Variants in VIPR2 observed in about 807,000 individuals in gnomAD.
VIPR2 encodes vasoactive intestinal peptide receptor 2.
A neutral mutation model predicts 58.0 loss-of-function variants in VIPR2; 48 were observed. The observed-to-expected ratio is 0.83, with a 90% CI of 0.66 to 1.05. The LOEUF (loss-of-function observed/expected upper bound fraction) is 1.05, where lower values mean the gene tolerates loss of function less well. VIPR2 is among the 50% of genes least tolerant of loss of function. VIPR2 has a pLI of 0.00. For missense variants in VIPR2, 534 were observed against 558.0 expected, an observed-to-expected ratio of 0.96 and a Z score of 0.43; for synonymous variants, 243 against 235.2, an observed-to-expected ratio of 1.03 and a Z score of -0.30.
At chr7:159,048,250 T>C (rs547894138) in intron 5 of VIPR2, among the ~76,000 whole-genome samples, 8 of 152,362 alleles carry the variant, frequency 5.3e-5, no homozygotes, top group African/African-American at 1.9e-4. Context: ...AAGGGTAAGC[T>C]TATTTAACTT....
At chr7:159,135,835 TAA>T (rs1252615382) in intron 2 of VIPR2, among the ~76,000 whole-genome samples, 2 of 151,990 alleles carry the variant, frequency 1.3e-5, no homozygotes, top group African/African-American at 4.8e-5. Context: ...AAAAAATAAA[TAA>T]ATGAGAGGAT....
Position 159,114,749 on chromosome 7 carries a change from C to T in VIPR2, c.152-4830G>A, listed in dbSNP as rs940906209. ...TGAGCCCAGGAGCTTGAGTCAAGCC[C>T]GGGTGACTGAGTGAGGCCCTGTCTC... On this transcript the variant is annotated intron_variant, in intron 2 of 12. Coordinates refer to ENST00000262178, the MANE Select transcript of VIPR2 (RefSeq NM_003382.5). Among the ~76,000 whole-genome samples the T allele has an allele frequency of 2.9e-5, 4 of 139,890 alleles. No homozygotes were observed. The South Asian group carries it at 9.8e-4, about 34-fold the overall frequency. 91.8% of individuals were successfully genotyped at this position (139,890 alleles called of 152,430 possible).
intron 3 of VIPR2, among the ~76,000 whole-genome samples, chr7:159,106,580 A>T (rs1858672927): frequency 9.6e-6 from 1 of 104,446 alleles, no homozygotes. Flanking sequence ...GAGGCCAGGG[A>T]GGGGCACAGA....
chr7:159,034,555 T>C (rs762063586), intron 9 of VIPR2, 26 bp downstream of exon 9: 2 of 1,603,342 alleles, frequency 1.2e-6, no homozygotes. Context: ...CCACAGATAA[T>C]CCACATGTCA....
intron 4 of VIPR2, among the ~76,000 whole-genome samples, chr7:159,101,404 A>G (rs1221032572): frequency 8.1e-6 from 1 of 124,108 alleles, no homozygotes; most frequent in Admixed American, 8.6e-5. Context: ...TTCCTGTGGT[A>G]GTGAACGGGT....
intron 4 of VIPR2, among the ~76,000 whole-genome samples, chr7:159,069,022 C>T (rs1035447865): frequency 4.6e-5 from 7 of 152,160 alleles, no homozygotes; most frequent in Admixed American, 2.0e-4. Context: ...TGCAGTACTA[C>T]GGCCTTAGGC....
chr7:159,137,104 G>A (rs879665198), intron 2 of VIPR2, among the ~76,000 whole-genome samples: 3 of 152,158 alleles, frequency 2.0e-5, no homozygotes, highest in Non-Finnish European at 4.4e-5. Context: ...GGAGGAAGCT[G>A]ACTCTGACCC....
intron 2 of VIPR2, among the ~76,000 whole-genome samples, chr7:159,132,789 C>CCGATTGATTTT (rs1563354994): frequency 1.6e-4 from 22 of 141,180 alleles, no homozygotes; most frequent in East Asian, 7.9e-4. Context: ...GATTGGCATA[C>CCGATTGATTTT]AGACTGATTT....
rs780424691 is a variant in VIPR2 at position 159,103,742 on chromosome 7, C to T, written c.357+15G>A. On this transcript the variant is annotated intron_variant, in intron 4 of 12. Transcript: ENST00000262178. Reference sequence around the variant, plus strand: ...AAGTGGAACCTCACCACCGTAGCACCACGCAGGAGCCTACCTTGCTCTCAT... The same window carrying T: ...AAGTGGAACCTCACCACCGTAGCACTACGCAGGAGCCTACCTTGCTCTCAT... 4 of 1,609,742 alleles carry T rather than the reference C, an allele frequency of 2.5e-6. No homozygotes were observed. In the East Asian group the frequency reaches 8.9e-5, roughly 36 times the overall value.
At chr7:159,088,005 G>C (rs1192796656) in intron 4 of VIPR2, among the ~76,000 whole-genome samples, 1 of 152,234 alleles carries the variant, frequency 6.6e-6, no homozygotes, top group Non-Finnish European at 1.5e-5. Context: ...CCATAATCCA[G>C]GCTGCAGGAA....
intron 4 of VIPR2, among the ~76,000 whole-genome samples, chr7:159,059,852 T>A (rs955511860): frequency 7.2e-6 from 1 of 138,398 alleles, no homozygotes; most frequent in Admixed American, 7.3e-5. Context: ...TAACCACAAG[T>A]CTCATCTAAC....
intron 5 of VIPR2, among the ~76,000 whole-genome samples, chr7:159,055,794 T>C (rs901071606): frequency 6.6e-6 from 1 of 152,228 alleles, no homozygotes; most frequent in African/African-American, 2.4e-5. Flanking sequence ...TAGCAAGCCA[T>C]CCAAATACAT....
Position 159,036,833 on chromosome 7 carries a change from C to T in VIPR2, c.667G>A (p.Glu223Lys). 1 of 1,613,990 alleles carries T rather than the reference C, an allele frequency of 6.2e-7. No individual in the cohort carries two copies. Among genetic ancestry groups the T allele is most frequent in the South Asian group, 1.1e-5 (1 of 91,076 alleles). The part of the protein sequence containing the change: ...IMANFFWLLV[E>K]GLYLHTLLVA... ...AGGAGGGTGTGGAGGTAGAGCCCCT[C>T]CACCAGCAGCCAGAAGAAGTTGGCC... The change falls in exon 7 of 13, where the codon GAG becomes AAG. Residue 223 changes from glutamate (E) to lysine (K), a missense_variant. Physicochemically the swap from Glu to Lys is moderately conservative, Grantham distance 56. Transcript: ENST00000262178.
At position 159,031,946 on chromosome 7, in the gene VIPR2, AC is replaced by A. The variant is rs1853615968; in HGVS notation, c.1092del (p.Ser365ArgfsTer14). 1.9e-6 allele frequency: 3 copies of A among 1,614,100 alleles called. No homozygotes were observed. Among genetic ancestry groups the A allele is most frequent in the Non-Finnish European group, 2.5e-6 (3 of 1,180,008 alleles). ...CGCCTCCGCACACCTACCTGGAACGACCCGAGGCACAGCTCAAACAGTATCT... is the reference window on the plus strand; with the variant it reads ...CGCCTCCGCACACCTACCTGGAACGACCGAGGCACAGCTCAAACAGTATCT... ...KYQILFELCL[G>X]SFQGLVVAVL... On this transcript the variant is annotated frameshift_variant, in exon 11 of 13. Transcript: ENST00000262178. LOFTEE classifies it low-confidence loss of function (END_TRUNC). This position sits in a 1 kb window ranked among gnomAD's most constrained non-coding sequence, Gnocchi z 4.0.
In VIPR2 at chr7:159,121,973, T is replaced by C. The variant is rs192165288; in HGVS notation, c.152-12054A>G. On this transcript the variant is annotated intron_variant, in intron 2 of 12. Coordinates refer to ENST00000262178, the MANE Select transcript of VIPR2 (RefSeq NM_003382.5). ...TTCAAAGACAACTGATTGGTACGAA[T>C]CATTGACAGATACAAAAGCCAAGAC... Among the ~76,000 whole-genome samples the C allele has an allele frequency of 1.2e-4, 18 of 152,312 alleles. No individual in the cohort carries two copies. In the East Asian group the frequency reaches 3.5e-3, roughly 29 times the overall value.
intron 3 of VIPR2, among the ~76,000 whole-genome samples, chr7:159,104,294 C>A (rs971997357): frequency 6.6e-6 from 1 of 151,760 alleles, no homozygotes; most frequent in Non-Finnish European, 1.5e-5. Flanking sequence ...GACCGGGTAC[C>A]CCGCCTGCTC....
chr7:159,070,039 C>T lies in VIPR2; in HGVS notation c.358-11461G>A, dbSNP rs2540351. Among the ~76,000 whole-genome samples the T allele has an allele frequency of 9.3e-3, 1,413 of 152,298 alleles. 14 individuals carry two copies. Among genetic ancestry groups the T allele is most frequent in the Non-Finnish European group, 0.016 (1,088 of 68,024 alleles). ...TTTCCCTCCAGACAGAACCTGTTTG[C>T]TTTGTCCGGTACCTCCAGGGCTGCC... On this transcript the variant is annotated intron_variant, in intron 4 of 12. Coordinates refer to ENST00000262178, the MANE Select transcript of VIPR2 (RefSeq NM_003382.5).
chr7:159,107,979 G>A (rs1795835626), intron 3 of VIPR2, among the ~76,000 whole-genome samples: 1 of 152,186 alleles, frequency 6.6e-6, no homozygotes, highest in African/African-American at 2.4e-5. Flanking sequence ...AGAACACAAT[G>A]TTTCATTAGA....
intron 4 of VIPR2, among the ~76,000 whole-genome samples, chr7:159,079,180 C>A (rs1285062531): frequency 6.6e-6 from 1 of 152,178 alleles, no homozygotes. Flanking sequence ...CACGGCTCCA[C>A]CCGCTCAGTG....
Sources: gnomAD v4.1 joint callset for allele counts (sites outside exome capture counted in the v4.1 genomes callset) on GRCh38, gnomAD v4.1.1 for gene constraint, Gnocchi (gnomAD v3.1) non-coding constraint, MANE v1.5 for transcripts, NCBI Gene and HGNC (gene_info 2026-07-23, HGNC 2026-07-21) for gene names.